Variants in LRRC9 observed in about 807,000 individuals in gnomAD.
LRRC9 encodes leucine rich repeat containing 9, also known as leucine-rich repeat-containing protein 9.
Under a neutral mutation model 63.2 loss-of-function variants are expected in LRRC9, and 122 were observed. The ratio of observed to expected loss-of-function variants is 1.93; its 90% CI spans 1.67 to 2.24. The LOEUF is 2.24. Ranked by LOEUF, LRRC9 falls within the 30% of genes most tolerant of loss-of-function variation. The pLI is 0.00. For missense variants in LRRC9, 1,071 were observed against 627.7 expected, an observed-to-expected ratio of 1.71 and a Z score of -7.55; for synonymous variants, 366 against 213.1, an observed-to-expected ratio of 1.72 and a Z score of -6.25.
At chr14:59,991,650 C>T (rs928202088) in intron 17 of LRRC9, among the ~76,000 whole-genome samples, 1 of 152,176 alleles carries the variant, frequency 6.6e-6, no homozygotes, top group African/African-American at 2.4e-5. Flanking sequence ...TCTTGGCAAA[C>T]AGCACACCAG....
chr14:60,025,290 A>C (rs219398), intron 27 of LRRC9, among the ~76,000 whole-genome samples: 128,759 of 150,930 alleles, frequency 0.85, 55,325 homozygotes, highest in Non-Finnish European at 0.9. Flanking sequence ...TTTTTTGATA[A>C]GGGGTCTCAA....
chr14:60,052,717 A>T (rs1893983458), intron 29 of LRRC9, among the ~76,000 whole-genome samples: 1 of 152,220 alleles, frequency 6.6e-6, no homozygotes, highest in Non-Finnish European at 1.5e-5. Flanking sequence ...TGTGTGTTGA[A>T]TTAATTAGAT....
At chr14:60,023,896 G>T (rs1184705899) in intron 27 of LRRC9, among the ~76,000 whole-genome samples, 1 of 151,654 alleles carries the variant, frequency 6.6e-6, no homozygotes, top group Non-Finnish European at 1.5e-5. Context: ...AACATGCAGT[G>T]TTTGGTTTTC....
chr14:59,974,595 C>G (rs768243672), exon 13 of LRRC9: 2 of 651,614 alleles, frequency 3.1e-6, no homozygotes, highest in African/African-American at 3.7e-5. Context: ...AAAAAAGAAG[C>G]CATCATTGTT....
rs1440698922 is a variant in LRRC9, at chr14:59,958,004, C to T, written c.883-1814C>T. ...TGCCTGCTCCTTCCTCTGGAAGCTT[C>T]ATCCTGAAGGAGCACTGGCCTGATG... On this transcript the variant is annotated intron_variant, in intron 8 of 31. Transcript: ENST00000445360. This position sits in a 1 kb window ranked among gnomAD's most constrained non-coding sequence, Gnocchi z 4.0. Among the ~76,000 whole-genome samples, 1 of 152,216 alleles carries T rather than the reference C, an allele frequency of 6.6e-6. No homozygotes were observed. Among genetic ancestry groups the T allele is most frequent in the Non-Finnish European group, 1.5e-5 (1 of 68,040 alleles).
rs1894612626 is a variant in LRRC9 at position 60,060,819 on chromosome 14, T to A, written c.4277-2504T>A. 6.6e-6 allele frequency among the ~76,000 whole-genome samples: 1 copy of A among 152,188 alleles called. No individual in the cohort carries two copies. The highest frequency in any genetic ancestry group is 6.5e-5 in the Admixed American group (1 of 15,276). Reference sequence around the variant, plus strand: ...AAATTGAAGACCTTCTGGAAAGGATTCACCATTCTAGACGCCATTAAAAAC... The same window carrying A: ...AAATTGAAGACCTTCTGGAAAGGATACACCATTCTAGACGCCATTAAAAAC... On this transcript the variant is annotated intron_variant, in intron 31 of 31. Coordinates refer to ENST00000445360, the Ensembl canonical transcript of LRRC9. The surrounding 1 kb of genome is among the most constrained non-coding windows in gnomAD (Gnocchi z 4.0).
At chr14:59,984,929 T>C (rs1195049828) in intron 16 of LRRC9, among the ~76,000 whole-genome samples, 176 bp from the exon 17 acceptor site, 1 of 152,214 alleles carries the variant, frequency 6.6e-6, no homozygotes, top group African/African-American at 2.4e-5. Context: ...TTTAACATCA[T>C]AGATTAGATT....
chr14:59,983,464 T>C (rs569437971), intron 16 of LRRC9, among the ~76,000 whole-genome samples: 4 of 152,334 alleles, frequency 2.6e-5, no homozygotes, highest in South Asian at 2.1e-4. Context: ...CAAATATATA[T>C]GTGAACACAT....
At chr14:60,052,520 T>C (rs1161495874) in intron 29 of LRRC9, among the ~76,000 whole-genome samples, 1 of 152,176 alleles carries the variant, frequency 6.6e-6, no homozygotes, top group Non-Finnish European at 1.5e-5. Context: ...CTAGGCACAA[T>C]AAACTCCTCT....
At chr14:60,056,619 A>G (rs1308641508) in intron 30 of LRRC9, among the ~76,000 whole-genome samples, 1 of 152,178 alleles carries the variant, frequency 6.6e-6, no homozygotes, top group East Asian at 1.9e-4. Flanking sequence ...CTTTCAACTT[A>G]GTTATTCCGT....
downstream of LRRC9, among the ~76,000 whole-genome samples, chr14:60,063,998 C>T (rs201761330): frequency 3.3e-5 from 5 of 152,070 alleles, no homozygotes; most frequent in East Asian, 7.7e-4. Context: ...ATGTGGCTAA[C>T]CGTGGGTGCA....
chr14:59,974,437 T>C (rs1885889788), intron 12 of LRRC9, 139 bp from the exon 13 acceptor site: 2 of 423,694 alleles, frequency 4.7e-6, no homozygotes, highest in African/African-American at 2.0e-5. Flanking sequence ...CACCTGAAGG[T>C]TATCTACTTC....
intron 15 of LRRC9, among the ~76,000 whole-genome samples, chr14:59,979,988 GAAA>G (rs1182463471): frequency 1.3e-5 from 2 of 151,888 alleles, no homozygotes; most frequent in Admixed American, 1.3e-4. Flanking sequence ...TTAAAAAAAA[GAAA>G]AACTCATCAT....
chr14:60,045,980 G>C (rs1000840514), intron 29 of LRRC9, among the ~76,000 whole-genome samples: 5 of 151,946 alleles, frequency 3.3e-5, no homozygotes, highest in African/African-American at 1.2e-4. Context: ...GTGCAAGTTG[G>C]TATCTCAGCG....
chr14:59,978,051 T>C, exon 15 of LRRC9: 2 of 701,966 alleles, frequency 2.8e-6, no homozygotes, highest in Non-Finnish European at 5.2e-6. Context: ...GTGATTGCAG[T>C]GTTCGGCAGT....
At chr14:60,010,743 C>T (rs1227001014) in intron 23 of LRRC9, among the ~76,000 whole-genome samples, 1 of 152,180 alleles carries the variant, frequency 6.6e-6, no homozygotes, top group Admixed American at 6.5e-5. Context: ...AATCATCTCT[C>T]TCAAGTTCAA....
At position 59,988,047 on chromosome 14, in the gene LRRC9, C is replaced by T. The variant is rs77940718; in HGVS notation, c.2211+2823C>T. On this transcript the variant is annotated intron_variant, in intron 17 of 31. Transcript: ENST00000445360. The stretch of plus-strand genomic sequence containing the variant: ...ATTGTAATTTTTATCATGGTTGAAG[C>T]TCAGATTGTCTCATCTTTAACCAGT... Among the ~76,000 whole-genome samples the T allele has an allele frequency of 3.4e-3, 519 of 152,274 alleles. 18 individuals carry two copies. The East Asian group carries it at 0.058, about 17-fold the overall frequency.
rs1889797943 is a variant in LRRC9, at chr14:59,932,664, G to A, written c.543+625G>A. Among the ~76,000 whole-genome samples, 1 of 151,958 alleles carries A rather than the reference G, an allele frequency of 6.6e-6. No homozygotes were observed. Among genetic ancestry groups the A allele is most frequent in the Non-Finnish European group, 1.5e-5 (1 of 67,972 alleles). Reference sequence around the variant, plus strand: ...CCAATCCATCAGCAAGTACAACTGGGTGCACCTTCAGAATATGTCCAGAGT... The same window carrying A: ...CCAATCCATCAGCAAGTACAACTGGATGCACCTTCAGAATATGTCCAGAGT... On this transcript the variant is annotated intron_variant, in intron 6 of 31. Transcript: ENST00000445360. This position sits in a 1 kb window ranked among gnomAD's most constrained non-coding sequence, Gnocchi z 4.7.
Position 60,038,482 on chromosome 14 carries a change from A to G in LRRC9, c.3990+6419A>G, listed in dbSNP as rs113383355. ...AGTTCTCCTTGAAGAGGGCCTTCAC[A>G]TCCCTTGTAAGTTAGATTCCTAGGT... On this transcript the variant is annotated intron_variant, in intron 29 of 31. Coordinates refer to ENST00000445360, the Ensembl canonical transcript of LRRC9. Among the ~76,000 whole-genome samples, 62 of 152,272 alleles carry G rather than the reference A, an allele frequency of 4.1e-4. 1 individual carries two copies. The highest frequency in any genetic ancestry group is 1.5e-3 in the African/African-American group (61 of 41,548).
Sources: gnomAD v4.1 joint callset for allele counts (sites outside exome capture counted in the v4.1 genomes callset) on GRCh38, gnomAD v4.1.1 for gene constraint, Gnocchi (gnomAD v3.1) non-coding constraint, MANE v1.5 for transcripts, NCBI Gene and HGNC (gene_info 2026-07-23, HGNC 2026-07-21) for gene names.